GUCY1B1: variants seen among roughly 807,000 people sequenced by gnomAD.
GUCY1B1 encodes guanylate cyclase 1 soluble subunit beta 1.
A neutral mutation model predicts 71.0 loss-of-function variants in GUCY1B1; 43 were observed. The ratio of observed to expected loss-of-function variants is 0.61; its 90% CI spans 0.47 to 0.78. The LOEUF (loss-of-function observed/expected upper bound fraction) is 0.78. Ranked by LOEUF, GUCY1B1 falls within the 30% of genes least tolerant of loss-of-function variation. The probability of loss-of-function intolerance (pLI) is 0.00; values close to 1 mark genes in which losing one functional copy is unlikely to be tolerated. For synonymous variants in GUCY1B1, 266 were observed against 259.7 expected, an observed-to-expected ratio of 1.02 and a Z score of -0.23; for missense variants, 535 against 754.1, an observed-to-expected ratio of 0.71 and a Z score of 3.40.
intron 8 of GUCY1B1, among the ~76,000 whole-genome samples, chr4:155,799,244 C>T (rs1007378560): frequency 1.4e-4 from 22 of 151,908 alleles, no homozygotes; most frequent in African/African-American, 3.4e-4. Flanking sequence ...ACAATGATGA[C>T]GCATAAAATT....
At chr4:155,762,841 A>C (rs1050744727) in intron 2 of GUCY1B1, among the ~76,000 whole-genome samples, 2 of 152,348 alleles carry the variant, frequency 1.3e-5, no homozygotes, top group Non-Finnish European at 2.9e-5. Flanking sequence ...ACGCAAACAA[A>C]CAACCAAACC....
At chr4:155,786,430 C>T (rs1273501074) in intron 4 of GUCY1B1, among the ~76,000 whole-genome samples, 24 of 143,366 alleles carry the variant, frequency 1.7e-4, no homozygotes, top group Non-Finnish European at 3.2e-4. Flanking sequence ...TGCCCCACCA[C>T]GCCTGGCTAA....
chr4:155,798,530 T>G (rs1019738069), intron 8 of GUCY1B1, among the ~76,000 whole-genome samples: 6 of 152,174 alleles, frequency 3.9e-5, no homozygotes, highest in African/African-American at 1.4e-4. Flanking sequence ...TGTATTTCAT[T>G]AGTAAAATCT....
At chr4:155,786,640 C>T (rs1355022506) in intron 4 of GUCY1B1, among the ~76,000 whole-genome samples, 1 of 150,324 alleles carries the variant, frequency 6.7e-6, no homozygotes, top group African/African-American at 2.4e-5. Context: ...CTGCTAATTT[C>T]TTTTTTTTTC....
At chr4:155,777,950 C>CTA (rs1447057007) in intron 4 of GUCY1B1, among the ~76,000 whole-genome samples, 1 of 152,058 alleles carries the variant, frequency 6.6e-6, no homozygotes, top group African/African-American at 2.4e-5. Context: ...GGTAATGGCT[C>CTA]TATATCCTAG....
chr4:155,771,917 C>T (rs1737718622), intron 2 of GUCY1B1, among the ~76,000 whole-genome samples: 1 of 152,038 alleles, frequency 6.6e-6, no homozygotes, highest in Non-Finnish European at 1.5e-5. Context: ...GCAGTATGTT[C>T]TATATATAAG....
At chr4:155,805,637 C>T (rs765260308) in intron 13 of GUCY1B1, among the ~76,000 whole-genome samples, 2 of 152,068 alleles carry the variant, frequency 1.3e-5, no homozygotes, top group African/African-American at 2.4e-5. Flanking sequence ...GGTTTCTTAA[C>T]CATGAAGCTT....
Position 155,789,674 on chromosome 4 carries a change from A to G in GUCY1B1, c.298-40A>G, listed in dbSNP as rs907191434. 7.4e-6 allele frequency: 9 copies of G among 1,223,502 alleles called. No homozygotes were observed. The African/African-American group carries it at 1.4e-4, about 18-fold the overall frequency. 75.8% of individuals were successfully genotyped at this position (1,223,502 alleles called of 1,614,324 possible). A position where few individuals can be genotyped will look rare whatever the true frequency, so the allele number is the denominator to read the frequency against. On this transcript the variant is annotated intron_variant, in intron 4 of 13. Transcript: ENST00000264424. ...TTTCCCAGAGTCTGCTGTCATTGCG[A>G]AAGCATTGTTTATTGGTCTCCCTTT... is the stretch of plus-strand genomic sequence containing the variant.
chr4:155,760,669 A>G lies in GUCY1B1; in HGVS notation c.77+809A>G, dbSNP rs1387539429. The stretch of plus-strand genomic sequence containing the variant: ...TCCTTTTTCCTCTCACTCTCAAAAA[A>G]TTTGCATTTAACTTATGGTACAGCT... On this transcript the variant is annotated intron_variant, in intron 2 of 13. Coordinates refer to ENST00000264424, the MANE Select transcript of GUCY1B1 (RefSeq NM_000857.5). Among the ~76,000 whole-genome samples the G allele has an allele frequency of 2.0e-5, 3 of 152,086 alleles. No individual in the cohort carries two copies. The East Asian group carries it at 5.8e-4, about 29-fold the overall frequency.
chr4:155,793,291 G>A (rs1455894971), intron 5 of GUCY1B1, among the ~76,000 whole-genome samples: 1 of 152,064 alleles, frequency 6.6e-6, no homozygotes, highest in Non-Finnish European at 1.5e-5. Context: ...TGGCCAGGCT[G>A]GTTTCAAACT....
At position 155,786,758 on chromosome 4, in the gene GUCY1B1, G is replaced by C. The variant is rs564757164; in HGVS notation, c.298-2956G>C. Among the ~76,000 whole-genome samples the C allele has an allele frequency of 1.4e-3, 219 of 151,426 alleles. No individual in the cohort carries two copies. In the South Asian group the frequency reaches 0.022, roughly 15 times the overall value. ...AAAGTGCTGGGATTACAGGTGTGAG[G>C]CACCGCGCCTGGCCAATTTTTGTAT... is the stretch of plus-strand genomic sequence containing the variant. On this transcript the variant is annotated intron_variant, in intron 4 of 13. Coordinates refer to ENST00000264424, the MANE Select transcript of GUCY1B1 (RefSeq NM_000857.5).
At chr4:155,779,898 T>G (rs966138393) in intron 4 of GUCY1B1, among the ~76,000 whole-genome samples, 2 of 152,192 alleles carry the variant, frequency 1.3e-5, no homozygotes, top group Admixed American at 1.3e-4. Flanking sequence ...CAGTCCTGGT[T>G]TTAATCAGTC....
At chr4:155,760,427 C>T (rs1198186143) in intron 2 of GUCY1B1, among the ~76,000 whole-genome samples, 1 of 144,418 alleles carries the variant, frequency 6.9e-6, no homozygotes, top group Non-Finnish European at 1.5e-5. Flanking sequence ...ACTGCCCACC[C>T]CCCCCGCCCC....
intron 10 of GUCY1B1, among the ~76,000 whole-genome samples, chr4:155,803,332 A>C (rs1251731499): frequency 6.6e-6 from 1 of 152,190 alleles, no homozygotes; most frequent in African/African-American, 2.4e-5. Flanking sequence ...TATTCTTCTG[A>C]ATTATAAAGT....
intron 4 of GUCY1B1, among the ~76,000 whole-genome samples, chr4:155,789,231 A>C (rs1377557989): frequency 6.6e-6 from 1 of 152,216 alleles, no homozygotes; most frequent in Non-Finnish European, 1.5e-5. Flanking sequence ...AAATCACAAA[A>C]TAATATGCTT....
chr4:155,764,009 A>T (rs1579186548), intron 2 of GUCY1B1, among the ~76,000 whole-genome samples: 3 of 48,328 alleles, frequency 6.2e-5, no homozygotes, highest in African/African-American at 2.4e-4. Context: ...TATCAGTCTA[A>T]ATTTTTTTTA....
chr4:155,769,997 G>A (rs1265821468), intron 2 of GUCY1B1, among the ~76,000 whole-genome samples: 1 of 152,084 alleles, frequency 6.6e-6, no homozygotes, highest in Admixed American at 6.6e-5. Context: ...GCTGAATTTG[G>A]ATAATTTAAG....
Position 155,803,708 on chromosome 4 carries a change from G to A in GUCY1B1, c.1498G>A (p.Ala500Thr). 1 of 1,602,806 alleles carries A rather than the reference G, an allele frequency of 6.2e-7. No individual in the cohort carries two copies. Among genetic ancestry groups the A allele is most frequent in the Non-Finnish European group, 8.5e-7 (1 of 1,174,432 alleles). Residue 500 changes from alanine (A) to threonine (T), a missense_variant, in exon 11 of 14, where the codon GCC becomes ACC. Coordinates refer to ENST00000264424, the MANE Select transcript of GUCY1B1 (RefSeq NM_000857.5). ...CCATGCACGATCCATCTGCCACCTG[G>A]CCTTGGACATGATGGAAATTGCTGG... ...IHHARSICHL[A>T]LDMMEIAGQV...
intron 11 of GUCY1B1, 50 bp downstream of exon 11, chr4:155,803,814 A>G: frequency 8.0e-7 from 1 of 1,254,084 alleles, no homozygotes; most frequent in Non-Finnish European, 1.1e-6. Context: ...ACCTTTTTGG[A>G]CAATTGATTC....
Sources: gnomAD v4.1 joint callset for allele counts (sites outside exome capture counted in the v4.1 genomes callset) on GRCh38, gnomAD v4.1.1 for gene constraint, MANE v1.5 for transcripts, NCBI Gene and HGNC (gene_info 2026-07-23, HGNC 2026-07-21) for gene names.